Variants in IQSEC3 observed in about 807,000 individuals in gnomAD.
The protein encoded by IQSEC3 is IQ motif and SEC7 domain-containing protein 3.
Under a neutral mutation model 105.4 loss-of-function variants are expected in IQSEC3, and 50 were observed. The observed-to-expected ratio is 0.47, with a 90% confidence interval of 0.38 to 0.60. The LOEUF is 0.60. Among genes scored for constraint, IQSEC3 ranks in the 20% least tolerant of loss-of-function variants. The pLI, the probability that IQSEC3 is intolerant of heterozygous loss-of-function variation, is 0.00. For synonymous variants in IQSEC3, 708 were observed against 746.0 expected (o/e 0.95, Z 0.83); for missense variants, 1,415 against 1,630.0 (o/e 0.87, Z 2.27).
rs782490458 is a variant in IQSEC3, at chr12:125,615, G to A, written c.624-18G>A. 1.8e-5 allele frequency: 26 copies of A among 1,478,544 alleles called. No homozygotes were observed. Among genetic ancestry groups the A allele is most frequent in the African/African-American group, 4.4e-5 (3 of 68,206 alleles). The allele number at this position is 1,478,544 out of a possible 1,614,324, so 91.6% of individuals were successfully genotyped here. A position where few individuals can be genotyped will look rare whatever the true frequency, so the allele number is the denominator to read the frequency against. On this transcript the variant is annotated intron_variant, in intron 2 of 13. Transcript: ENST00000538872. The stretch of plus-strand genomic sequence containing the variant: ...TCGCCCTCTCCCCCAACCGAGCACC[G>A]TTGCCTTCTGTTCACAGTGATGGCT...
Position 138,365 on chromosome 12 carries a change from C to G in IQSEC3, c.1002C>G (p.Asn334Lys). The G allele has an allele frequency of 6.2e-7, 1 of 1,613,322 alleles. No homozygotes were observed. The highest frequency in any genetic ancestry group is 8.5e-7 in the Non-Finnish European group (1 of 1,180,018). ...TAFRQYQLSK[N>K]FEKIRNSLLE... ...TCCGCCAATACCAGCTCAGCAAGAA[C>G]TTCGAGAAAATCCGCAACTCGCTTC... is the stretch of plus-strand genomic sequence containing the variant. The change falls in exon 4 of 14, where the codon AAC becomes AAG. Residue 334 changes from asparagine to lysine, a missense_variant. By Grantham distance (94) the Asn-to-Lys change is moderately conservative. Around this residue, in one of 6 missense-constraint regions of IQSEC3, gnomAD observed 720 missense variants for 633.0 expected, o/e 1.14. Coordinates refer to ENST00000538872, the MANE Select transcript of IQSEC3 (RefSeq NM_001170738.2). This position sits in a 1 kb window ranked among gnomAD's most constrained non-coding sequence, Gnocchi z 7.1.
chr12:138,850 A>C lies in IQSEC3; in HGVS notation c.1487A>C (p.Asn496Thr). 1 of 1,612,250 alleles carries C rather than the reference A, an allele frequency of 6.2e-7. No individual in the cohort carries two copies. Among genetic ancestry groups the C allele is most frequent in the Non-Finnish European group, 8.5e-7 (1 of 1,179,372 alleles). The part of the protein sequence containing the change: ...RDVTVQIANQ[N>T]ISVSSSTALS... ...GTCACGGTGCAGATCGCCAACCAGA[A>C]CATATCCGTCTCCTCCTCCACGGCT... Residue 496 changes from asparagine (N) to threonine (T), a missense_variant, in exon 4 of 14, where the codon AAC becomes ACC. Around this residue, in one of 6 missense-constraint regions of IQSEC3, gnomAD observed 720 missense variants for 633.0 expected, o/e 1.14. Transcript: ENST00000538872. The surrounding 1 kb of genome is among the most constrained non-coding windows in gnomAD (Gnocchi z 7.1).
chr12:99,353 C>T, intron 2 of IQSEC3, 139 bp downstream of exon 2: 4 of 777,992 alleles, frequency 5.1e-6, no homozygotes, highest in Non-Finnish European at 6.2e-6. Context: ...CACCTCCTTC[C>T]TCAGACTTCA....
At chr12:86,070 A>G (rs782609805) in intron 1 of IQSEC3, among the ~76,000 whole-genome samples, 2 of 152,224 alleles carry the variant, frequency 1.3e-5, no homozygotes, top group African/African-American at 4.8e-5. Context: ...AACTCATTCT[A>G]GTATAGGGAG....
intron 3 of IQSEC3, among the ~76,000 whole-genome samples, chr12:128,593 C>T (rs1039759688): frequency 1.4e-4 from 21 of 152,236 alleles, no homozygotes; most frequent in African/African-American, 4.3e-4. Flanking sequence ...ATCCCCAGGA[C>T]GGTTTTCCTT....
chr12:125,859 C>G lies in IQSEC3; in HGVS notation c.850C>G (p.His284Asp). The G allele has an allele frequency of 6.5e-7, 1 of 1,533,638 alleles. No homozygotes were observed. The highest frequency in any genetic ancestry group is 8.7e-7 in the Non-Finnish European group (1 of 1,146,428). ...TGCCCTGGCGACGGCGCTGTGCCCCCACGCCCCTGCCGCCTCCGATTACGA... is the reference window on the plus strand; with the variant it reads ...TGCCCTGGCGACGGCGCTGTGCCCCGACGCCCCTGCCGCCTCCGATTACGA... Reference protein sequence around the residue: ...QPALATALCPHAPAASDYELS... With the variant: ...QPALATALCPDAPAASDYELS... Residue 284 changes from histidine to aspartate, a missense_variant, in exon 3 of 14, where the codon CAC becomes GAC. His to Asp is a moderately conservative substitution (Grantham distance 81, BLOSUM62 -1). Transcript: ENST00000538872.
chr12:169,177 G>C, intron 12 of IQSEC3, 72 bp downstream of exon 12: 1 of 1,244,436 alleles, frequency 8.0e-7, no homozygotes, highest in Non-Finnish European at 1.2e-6. Context: ...TGGGTCCTGG[G>C]CAATCTGCAG....
intron 1 of IQSEC3, among the ~76,000 whole-genome samples, chr12:77,011 T>C (rs1384149248): frequency 5.3e-5 from 8 of 152,266 alleles, no homozygotes; most frequent in African/African-American, 1.9e-4. Context: ...ACAATTTTCA[T>C]TCAATGCATC....
chr12:131,141 AC>A (rs1555084989), intron 3 of IQSEC3, among the ~76,000 whole-genome samples: 2 of 149,896 alleles, frequency 1.3e-5, no homozygotes, highest in Non-Finnish European at 2.9e-5. Context: ...TGCCACAGCA[AC>A]CTGAAAGAAG....
intron 2 of IQSEC3, among the ~76,000 whole-genome samples, chr12:105,868 A>C (rs1429793391): frequency 1.3e-5 from 2 of 152,176 alleles, no homozygotes; most frequent in Non-Finnish European, 2.9e-5. Flanking sequence ...GCATCCTCTG[A>C]GACTGGCCCC....
At chr12:71,587 G>A (rs1366162518) in intron 1 of IQSEC3, among the ~76,000 whole-genome samples, 1 of 152,268 alleles carries the variant, frequency 6.6e-6, no homozygotes, top group African/African-American at 2.4e-5. Flanking sequence ...AGCTGGAAAG[G>A]GAACAGAAAG....
In IQSEC3 at chr12:177,080, G is replaced by A. The variant is rs990468027; in HGVS notation, c.*2047G>A. 1 of 152,254 alleles carries A rather than the reference G, an allele frequency of 6.6e-6. No homozygotes were observed. The highest frequency in any genetic ancestry group is 1.9e-4 in the East Asian group (1 of 5,194). The allele number at this position is 152,254 out of a possible 1,614,324, so 9.4% of individuals were successfully genotyped here. ...TATGAGCTAAATATACTTATGGGGT[G>A]GGGGCCGTGGGGGCCAGGGACACTC... On this transcript the variant is annotated 3_prime_UTR_variant, in exon 14 of 14. Coordinates refer to ENST00000538872, the MANE Select transcript of IQSEC3 (RefSeq NM_001170738.2). This position sits in a 1 kb window ranked among gnomAD's most constrained non-coding sequence, Gnocchi z 5.3.
chr12:137,369 G>A (rs1458377007), intron 3 of IQSEC3: 4 of 151,344 alleles, frequency 2.6e-5, no homozygotes, highest in African/African-American at 9.8e-5. Context: ...GAGGAGCGGG[G>A]AAGCACGAGG....
chr12:106,045 C>T (rs2136931895), intron 2 of IQSEC3, among the ~76,000 whole-genome samples: 1 of 152,234 alleles, frequency 6.6e-6, no homozygotes, highest in Middle Eastern at 3.4e-3. Context: ...TGTCTCCCAC[C>T]CATGAGAGAG....
intron 3 of IQSEC3, among the ~76,000 whole-genome samples, chr12:133,659 A>C (rs1024504723): frequency 1.3e-5 from 2 of 151,154 alleles, no homozygotes; most frequent in African/African-American, 4.9e-5. Context: ...TTCAGTGTAA[A>C]ATAGGAAGAA....
At chr12:93,677 C>T (rs527988672) in intron 1 of IQSEC3, among the ~76,000 whole-genome samples, 2 of 152,346 alleles carry the variant, frequency 1.3e-5, no homozygotes, top group African/African-American at 4.8e-5. Flanking sequence ...ATGTTTTCTG[C>T]TATGTTTTGA....
rs542768534 is a variant in IQSEC3, at chr12:138,178, A to T, written c.904-89A>T. ...CCCGTCCATTCCTGGGCCCCACCCG[A>T]GTGTGGCCGGGTGACTCCACCACTC... On this transcript the variant is annotated intron_variant, in intron 3 of 13. Coordinates refer to ENST00000538872, the MANE Select transcript of IQSEC3 (RefSeq NM_001170738.2). The surrounding 1 kb of genome is among the most constrained non-coding windows in gnomAD (Gnocchi z 7.1). The T allele has an allele frequency of 4.4e-5, 53 of 1,201,946 alleles. No homozygotes were observed. The Admixed American group carries it at 6.6e-4, about 15-fold the overall frequency. The allele number at this position is 1,201,946 out of a possible 1,614,324, so 74.5% of individuals were successfully genotyped here. A position where few individuals can be genotyped will look rare whatever the true frequency, so the allele number is the denominator to read the frequency against.
chr12:109,296 C>T (rs1555078872), intron 2 of IQSEC3, among the ~76,000 whole-genome samples: 1 of 152,206 alleles, frequency 6.6e-6, no homozygotes, highest in East Asian at 1.9e-4. Flanking sequence ...CTTCAGTTAG[C>T]CACAGTCCCC....
rs376138074 is a variant in IQSEC3, at chr12:165,909, G to C, written c.2971+19G>C. On this transcript the variant is annotated intron_variant, in intron 11 of 13. Transcript: ENST00000538872. ...ATAGAGTGTAAGGACACGGGCTCCC[G>C]AGGCAGCTGGTGGGGGTTCCCATTC... 3.1e-6 allele frequency: 5 copies of C among 1,607,220 alleles called. No homozygotes were observed. The highest frequency in any genetic ancestry group is 4.3e-6 in the Non-Finnish European group (5 of 1,174,980).
Sources: gnomAD v4.1 joint callset for allele counts (sites outside exome capture counted in the v4.1 genomes callset) on GRCh38, gnomAD v4.1.1 for gene constraint, gnomAD v4.1.1 regional missense constraint, Gnocchi (gnomAD v3.1) non-coding constraint, MANE v1.5 for transcripts, NCBI Gene and HGNC (gene_info 2026-07-23, HGNC 2026-07-21) for gene names.